Variants in ARHGAP26 observed in about 807,000 individuals in gnomAD.
ARHGAP26 encodes the protein Rho GTPase activating protein 26, also known as rho GTPase-activating protein 26.
ARHGAP26 carries 38 observed loss-of-function variants against 104.8 expected under a neutral mutation model. That is an observed-to-expected ratio of 0.36 (90% CI 0.28 to 0.48). The LOEUF is 0.48. ARHGAP26 is among the 20% of genes least tolerant of loss of function. The pLI is 0.99. For synonymous variants in ARHGAP26, 341 were observed against 340.0 expected, an observed-to-expected ratio of 1.00 and a Z score of -0.03; for missense variants, 704 against 947.9, an observed-to-expected ratio of 0.74 and a Z score of 3.38.
chr5:142,894,646 G>A (rs1562033227), intron 6 of ARHGAP26, among the ~76,000 whole-genome samples: 1 of 152,208 alleles, frequency 6.6e-6, no homozygotes, highest in Non-Finnish European at 1.5e-5. Context: ...GTCCAGAGGG[G>A]AGGGGTTCTC....
rs1489249332 is a variant in ARHGAP26, at chr5:143,012,559, A to ACG, written c.1108-1521_1108-1520insCG. Among the ~76,000 whole-genome samples the ACG allele has an allele frequency of 2.7e-5, 2 of 73,950 alleles. 1 individual carries two copies. The highest frequency in any genetic ancestry group is 7.0e-5 in the Non-Finnish European group (2 of 28,636). 48.5% of individuals were successfully genotyped at this position (73,950 alleles called of 152,430 possible). ...TATTTATATACATACATACATATAT[A>ACG]TATATATATATATATATTATGATCA... On this transcript the variant is annotated intron_variant, in intron 11 of 22. Coordinates refer to ENST00000645722, the MANE Select transcript of ARHGAP26 (RefSeq NM_001135608.3).
chr5:142,870,730 G>C (rs1598012207), intron 1 of ARHGAP26, among the ~76,000 whole-genome samples: 1 of 152,142 alleles, frequency 6.6e-6, no homozygotes, highest in Non-Finnish European at 1.5e-5. Flanking sequence ...CGTCAGATGA[G>C]ATAACTGAGA....
At chr5:142,935,789 A>C (rs1598305483) in intron 11 of ARHGAP26, among the ~76,000 whole-genome samples, 1 of 152,174 alleles carries the variant, frequency 6.6e-6, no homozygotes, top group East Asian at 1.9e-4. Flanking sequence ...AAAGCAGCAC[A>C]GTTTCTACTT....
At chr5:142,840,701 G>A (rs1418709876) in intron 1 of ARHGAP26, among the ~76,000 whole-genome samples, 2 of 152,172 alleles carry the variant, frequency 1.3e-5, no homozygotes, top group Non-Finnish European at 2.9e-5. Flanking sequence ...GTTTCACTTA[G>A]CCTCTTCTCT....
intron 20 of ARHGAP26, among the ~76,000 whole-genome samples, chr5:143,186,379 C>T (rs1269525320): frequency 1.3e-5 from 2 of 152,154 alleles, no homozygotes; most frequent in Non-Finnish European, 2.9e-5. Flanking sequence ...ACATGGGGCT[C>T]CTAAGAAGCC....
chr5:143,140,956 A>G (rs1395138831), intron 19 of ARHGAP26, among the ~76,000 whole-genome samples: 1 of 152,212 alleles, frequency 6.6e-6, no homozygotes, highest in Non-Finnish European at 1.5e-5. Flanking sequence ...AATTCATACT[A>G]TTCAAAGGCT....
At chr5:142,907,517 C>T in intron 8 of ARHGAP26, 187 bp from the exon 9 acceptor site, 1 of 341,852 alleles carries the variant, frequency 2.9e-6, no homozygotes, top group Non-Finnish European at 5.5e-6. Context: ...GGGTTGGTTT[C>T]ATTTGAGCCT....
chr5:142,875,576 C>T (rs1755968066), intron 3 of ARHGAP26, among the ~76,000 whole-genome samples: 1 of 152,122 alleles, frequency 6.6e-6, no homozygotes, highest in African/African-American at 2.4e-5. Flanking sequence ...TCACTTCCCT[C>T]TTCATTTTTA....
chr5:143,034,806 C>T (rs1403492861), intron 12 of ARHGAP26, among the ~76,000 whole-genome samples: 10 of 151,820 alleles, frequency 6.6e-5, no homozygotes, highest in Admixed American at 5.2e-4. Context: ...GGTATTTGGC[C>T]TCTGTATTAT....
At chr5:143,143,245 C>A (rs900241120) in intron 19 of ARHGAP26, among the ~76,000 whole-genome samples, 1 of 152,168 alleles carries the variant, frequency 6.6e-6, no homozygotes, top group African/African-American at 2.4e-5. Context: ...CCTGCCAAGA[C>A]GTGTGAATTT....
intron 1 of ARHGAP26, among the ~76,000 whole-genome samples, chr5:142,830,434 C>T (rs937977281): frequency 1.3e-5 from 2 of 151,976 alleles, no homozygotes; most frequent in Admixed American, 6.5e-5. Flanking sequence ...AGGATTTTTC[C>T]GTTTGTGTTA....
chr5:142,931,925 C>A, intron 10 of ARHGAP26, 122 bp from the exon 11 acceptor site: 1 of 896,146 alleles, frequency 1.1e-6, no homozygotes, highest in Non-Finnish European at 1.8e-6. Flanking sequence ...GTGTTTTGCC[C>A]CTCTTTGTGT....
chr5:143,032,590 T>C (rs1782031463), intron 12 of ARHGAP26, among the ~76,000 whole-genome samples: 1 of 152,136 alleles, frequency 6.6e-6, no homozygotes, highest in Non-Finnish European at 1.5e-5. Flanking sequence ...AGCTTGGTGG[T>C]GATAGTGTTC....
At chr5:142,909,176 A>C (rs1761510642) in intron 9 of ARHGAP26, among the ~76,000 whole-genome samples, 1 of 152,124 alleles carries the variant, frequency 6.6e-6, no homozygotes, top group South Asian at 2.1e-4. Context: ...AAATGTTTTT[A>C]ATACAAATAT....
chr5:142,989,465 G>T (rs536245503), intron 11 of ARHGAP26, among the ~76,000 whole-genome samples: 2 of 152,246 alleles, frequency 1.3e-5, no homozygotes, highest in East Asian at 3.9e-4. Context: ...GGAGCATTTA[G>T]CCCATTTACA....
chr5:142,919,890 A>C (rs1436198694), intron 10 of ARHGAP26, among the ~76,000 whole-genome samples: 1 of 152,160 alleles, frequency 6.6e-6, no homozygotes, highest in Admixed American at 6.5e-5. Flanking sequence ...AATTCCAGCT[A>C]TTCAGGAGGC....
At chr5:143,051,744 A>G (rs145081423) in intron 14 of ARHGAP26, among the ~76,000 whole-genome samples, 103 of 152,336 alleles carry the variant, frequency 6.8e-4, no homozygotes, top group Middle Eastern at 3.4e-3. Flanking sequence ...ATGTTACGCA[A>G]TATTCCTATG....
At chr5:143,107,501 C>A (rs1156377542) in intron 17 of ARHGAP26, among the ~76,000 whole-genome samples, 1 of 152,196 alleles carries the variant, frequency 6.6e-6, no homozygotes, top group Non-Finnish European at 1.5e-5. Context: ...TGGCCTTCTT[C>A]ACCCACCTTT....
intron 1 of ARHGAP26, among the ~76,000 whole-genome samples, chr5:142,795,878 C>T (rs1760891160): frequency 2.6e-5 from 4 of 152,188 alleles, no homozygotes; most frequent in African/African-American, 7.2e-5. Flanking sequence ...CATGTGACCT[C>T]TCAAATCCCC....
Sources: gnomAD v4.1 joint callset for allele counts (sites outside exome capture counted in the v4.1 genomes callset) on GRCh38, gnomAD v4.1.1 for gene constraint, MANE v1.5 for transcripts, NCBI Gene and HGNC (gene_info 2026-07-23, HGNC 2026-07-21) for gene names.